ATP2B2: variants seen among roughly 807,000 people sequenced by gnomAD.
ATP2B2 encodes the protein ATPase plasma membrane Ca2+ transporting 2.
Under a neutral mutation model 120.0 loss-of-function variants are expected in ATP2B2, and 15 were observed. The observed-to-expected ratio is 0.12, with a 90% CI of 0.08 to 0.19. ATP2B2 has a LOEUF of 0.19. Among genes scored for constraint, ATP2B2 ranks in the 10% least tolerant of loss-of-function variants. The probability of loss-of-function intolerance (pLI) is 1.00; values close to 1 mark genes in which losing one functional copy is unlikely to be tolerated. For synonymous variants in ATP2B2, 694 were observed against 700.3 expected (o/e 0.99, Z 0.14); for missense variants, 1,045 against 1,719.8 (o/e 0.61, Z 6.94).
chr3:10,386,361 C>T, intron 7 of ATP2B2, 119 bp downstream of exon 7: 1 of 1,165,500 alleles, frequency 8.6e-7, no homozygotes, highest in East Asian at 2.4e-5. Context: ...GGGGGTGGAG[C>T]CACCCACAGG....
intron 1 of ATP2B2, among the ~76,000 whole-genome samples, chr3:10,674,335 C>T (rs928697969): frequency 1.3e-5 from 2 of 152,180 alleles, no homozygotes; most frequent in South Asian, 2.1e-4. Context: ...AAATGGGTCA[C>T]GTATTTTAGG....
rs2067778280 is a variant in ATP2B2 at position 10,556,320 on chromosome 3, G to T, written c.-414-22187C>A. ...TTACTGAGCACCTAGTAGGTATTAG[G>T]CTCTCCACTAGCACTGGGGGGACAA... is the stretch of plus-strand genomic sequence containing the variant. On this transcript the variant is annotated intron_variant, in intron 2 of 21. Transcript: ENST00000646379. 2.0e-5 allele frequency among the ~76,000 whole-genome samples: 3 copies of T among 152,322 alleles called. No homozygotes were observed. The South Asian group carries it at 6.2e-4, about 32-fold the overall frequency.
intron 1 of ATP2B2, among the ~76,000 whole-genome samples, chr3:10,620,386 G>T (rs2069512174): frequency 1.3e-5 from 2 of 152,180 alleles, no homozygotes; most frequent in Admixed American, 6.5e-5. Flanking sequence ...AAAGTCTGGG[G>T]TTGGGGCCCT....
At chr3:10,358,106 T>G (rs1284595398) in intron 14 of ATP2B2, among the ~76,000 whole-genome samples, 2 of 152,188 alleles carry the variant, frequency 1.3e-5, no homozygotes, top group African/African-American at 4.8e-5. Context: ...TGACCTTAAC[T>G]TTCTAGCTCT....
intron 10 of ATP2B2, among the ~76,000 whole-genome samples, chr3:10,376,779 G>T (rs2061392933): frequency 6.6e-6 from 1 of 152,244 alleles, no homozygotes; most frequent in African/African-American, 2.4e-5. Flanking sequence ...AGGTAGGACA[G>T]ACCCTAGAGT....
chr3:10,512,464 G>GCACGCGCA (rs2066784128), intron 3 of ATP2B2, among the ~76,000 whole-genome samples: 1 of 136,926 alleles, frequency 7.3e-6, no homozygotes, highest in Admixed American at 7.3e-5. Flanking sequence ...AAGTGTGTGC[G>GCACGCGCA]CACACACACA....
chr3:10,553,061 T>G (rs1046992310), intron 2 of ATP2B2, among the ~76,000 whole-genome samples: 1 of 152,200 alleles, frequency 6.6e-6, no homozygotes, highest in Non-Finnish European at 1.5e-5. Flanking sequence ...TGGGAATATA[T>G]TAAAATCACA....
chr3:10,461,797 T>A (rs1226781007), intron 1 of ATP2B2, among the ~76,000 whole-genome samples: 4 of 152,164 alleles, frequency 2.6e-5, no homozygotes, highest in African/African-American at 9.7e-5. Context: ...TGTGACTCAG[T>A]CTGTGGCTCA....
chr3:10,503,302 C>G (rs1011887042), intron 1 of ATP2B2, among the ~76,000 whole-genome samples: 1 of 152,216 alleles, frequency 6.6e-6, no homozygotes, highest in African/African-American at 2.4e-5. Flanking sequence ...CTGGTGGGGC[C>G]AGTCTGGGCT....
At chr3:10,409,719 A>G (rs756755839) in intron 3 of ATP2B2, among the ~76,000 whole-genome samples, 1 of 152,354 alleles carries the variant, frequency 6.6e-6, no homozygotes, top group East Asian at 1.9e-4. Context: ...GACAACAGAT[A>G]TTCAAGGGAC....
chr3:10,420,361 CTTT>C (rs57911821), intron 2 of ATP2B2, among the ~76,000 whole-genome samples: 11 of 139,926 alleles, frequency 7.9e-5, no homozygotes, highest in South Asian at 2.3e-4. Flanking sequence ...CTTGGTTTCA[CTTT>C]TTTTTTTTTT....
At chr3:10,573,435 C>A (rs1042283109) in intron 2 of ATP2B2, among the ~76,000 whole-genome samples, 1 of 152,170 alleles carries the variant, frequency 6.6e-6, no homozygotes, top group Non-Finnish European at 1.5e-5. Flanking sequence ...TTCCTGTTCA[C>A]CCCCTGCCTC....
intron 2 of ATP2B2, among the ~76,000 whole-genome samples, chr3:10,573,894 G>C (rs561321318): frequency 9.5e-4 from 144 of 152,242 alleles, no homozygotes; most frequent in African/African-American, 3.3e-3. Context: ...GCGTCTGCCT[G>C]GTCCTGCTTG....
chr3:10,651,686 TGGGTGGATGGAA>T (rs1349108386), intron 1 of ATP2B2, among the ~76,000 whole-genome samples: 3 of 151,578 alleles, frequency 2.0e-5, no homozygotes, highest in Non-Finnish European at 4.4e-5. Flanking sequence ...GGGTGGTAGA[TGGGTGGATGGAA>T]GGGTGAATGG....
At chr3:10,431,465 A>G (rs951629712) in intron 2 of ATP2B2, among the ~76,000 whole-genome samples, 40 of 152,158 alleles carry the variant, frequency 2.6e-4, no homozygotes, top group Non-Finnish European at 7.3e-5. Context: ...AAAAATGACG[A>G]CTTGCTGTGG....
chr3:10,556,061 G>C (rs1202789767), intron 2 of ATP2B2, among the ~76,000 whole-genome samples: 1 of 152,126 alleles, frequency 6.6e-6, no homozygotes, highest in Non-Finnish European at 1.5e-5. Context: ...ACCACGCTTG[G>C]CTAACTTTTG....
intron 14 of ATP2B2, among the ~76,000 whole-genome samples, chr3:10,351,961 C>A (rs2060591434): frequency 6.6e-6 from 1 of 152,224 alleles, no homozygotes; most frequent in African/African-American, 2.4e-5. Context: ...GACTGTGAGA[C>A]AGCAAACTGC....
intron 1 of ATP2B2, among the ~76,000 whole-genome samples, chr3:10,693,514 T>C (rs1315347867): frequency 6.6e-6 from 1 of 152,248 alleles, no homozygotes; most frequent in Non-Finnish European, 1.5e-5. Flanking sequence ...ACAGCAAAGC[T>C]TGATGCTTCC....
chr3:10,680,529 C>T (rs1319696501), intron 1 of ATP2B2, among the ~76,000 whole-genome samples: 4 of 152,072 alleles, frequency 2.6e-5, no homozygotes, highest in Admixed American at 6.5e-5. Flanking sequence ...GGCAGGCCAT[C>T]GTGTCCTGAT....
Sources: allele counts gnomAD v4.1 joint callset (sites outside exome capture counted in the v4.1 genomes callset), GRCh38; gene constraint gnomAD v4.1.1; transcripts MANE v1.5; gene names NCBI Gene and HGNC (gene_info 2026-07-23, HGNC 2026-07-21).